Variants in TRPM3 observed in about 807,000 individuals in gnomAD.
The protein encoded by TRPM3 is transient receptor potential cation channel subfamily M member 3.
In TRPM3, 77 loss-of-function variants were observed where a neutral mutation model predicts 181.2. The observed-to-expected ratio is 0.42, with a 90% CI of 0.35 to 0.51. The LOEUF is 0.51. TRPM3 is among the 20% of genes least tolerant of loss of function. The pLI, the probability that TRPM3 is intolerant of heterozygous loss-of-function variation, is 0.01. For missense variants in TRPM3, 1,759 were observed against 2,196.7 expected (o/e 0.80, Z 3.98); for synonymous variants, 745 against 796.4 (o/e 0.94, Z 1.09).
intron 1 of TRPM3, among the ~76,000 whole-genome samples, chr9:71,200,249 A>G (rs1380750228): frequency 6.6e-6 from 1 of 151,722 alleles, no homozygotes; most frequent in Non-Finnish European, 1.5e-5. Flanking sequence ...AGTTTGTTAT[A>G]ATTTCTGTTC....
At chr9:70,995,777 A>G (rs2097536380) in intron 1 of TRPM3, among the ~76,000 whole-genome samples, 1 of 152,202 alleles carries the variant, frequency 6.6e-6, no homozygotes, top group Non-Finnish European at 1.5e-5. Flanking sequence ...AAATAAAGCC[A>G]TGCAAAACCC....
intron 1 of TRPM3, among the ~76,000 whole-genome samples, chr9:71,320,453 T>A (rs556429092): frequency 6.6e-6 from 1 of 152,160 alleles, no homozygotes; most frequent in African/African-American, 2.4e-5. Context: ...AATACCAATG[T>A]TGGTCAGAGA....
chr9:71,337,089 CA>C (rs1235611709), intron 1 of TRPM3, among the ~76,000 whole-genome samples: 2 of 151,996 alleles, frequency 1.3e-5, no homozygotes, highest in Non-Finnish European at 2.9e-5. Context: ...CAACAAAAGG[CA>C]AAATTGAAAA....
intron 25 of TRPM3, 117 bp from the exon 26 acceptor site, chr9:70,537,522 G>T: frequency 1.2e-6 from 1 of 862,346 alleles, no homozygotes; most frequent in Non-Finnish European, 1.6e-6. Context: ...ATGGAAGACA[G>T]GTTACAGGTG....
chr9:71,300,486 AC>A (rs372159182), intron 1 of TRPM3, among the ~76,000 whole-genome samples: 2 of 152,136 alleles, frequency 1.3e-5, no homozygotes, highest in African/African-American at 4.8e-5. Flanking sequence ...AGACTTATAC[AC>A]TTAACCACAA....
chr9:70,928,270 G>A (rs1371584243), intron 1 of TRPM3, among the ~76,000 whole-genome samples: 1 of 152,202 alleles, frequency 6.6e-6, no homozygotes, highest in Non-Finnish European at 1.5e-5. Context: ...GATTGCATTT[G>A]TAGGGATGCA....
At chr9:70,560,230 G>A (rs1386778413) in intron 22 of TRPM3, among the ~76,000 whole-genome samples, 1 of 152,098 alleles carries the variant, frequency 6.6e-6, no homozygotes, top group Non-Finnish European at 1.5e-5. Context: ...GCTAATAAGG[G>A]GATAATGCCA....
rs200431732 is a variant in TRPM3, at chr9:71,418,898, A to ATG, written c.183+27753_183+27754dup. 8.9e-3 allele frequency among the ~76,000 whole-genome samples: 1,042 copies of ATG among 117,448 alleles called. 14 individuals are homozygous for ATG. The highest frequency in any genetic ancestry group is 0.026 in the African/African-American group (982 of 37,332). The allele number at this position is 117,448 out of a possible 152,430, so 77.1% of individuals were successfully genotyped here. A position where few individuals can be genotyped will look rare whatever the true frequency, so the allele number is the denominator to read the frequency against. On this transcript the variant is annotated intron_variant, in intron 1 of 24. Transcript: ENST00000357533. ...TGTGTATATATATACACACATATAT[A>ATG]TGTGTGTGTGTATATATATGTGTGT...
At chr9:71,252,847 C>CTTTTTTTTTTT (rs11417438) in intron 1 of TRPM3, among the ~76,000 whole-genome samples, 1 of 84,760 alleles carries the variant, frequency 1.2e-5, no homozygotes, top group African/African-American at 5.2e-5. Context: ...AATTTTGTCT[C>CTTTTTTTTTTT]TTTTTTTTTT....
intron 1 of TRPM3, among the ~76,000 whole-genome samples, chr9:71,327,011 TC>T (rs1030405936): frequency 5.9e-4 from 90 of 152,274 alleles, no homozygotes; most frequent in African/African-American, 2.1e-3. Context: ...CATGGACTGA[TC>T]AACCATGTGT....
At chr9:70,837,838 C>A (rs2094419553) in intron 5 of TRPM3, among the ~76,000 whole-genome samples, 1 of 152,074 alleles carries the variant, frequency 6.6e-6, no homozygotes, top group East Asian at 1.9e-4. Context: ...ATATCTCAAC[C>A]AACAATAAAG....
intron 1 of TRPM3, among the ~76,000 whole-genome samples, chr9:71,032,633 G>C (rs746897078): frequency 6.6e-5 from 10 of 152,114 alleles, no homozygotes; most frequent in Admixed American, 1.3e-4. Flanking sequence ...ACACATCTAA[G>C]TTTTAAATTG....
intron 3 of TRPM3, among the ~76,000 whole-genome samples, chr9:70,850,972 A>T (rs10780977): frequency 0.37 from 55,752 of 152,050 alleles, 10,617 homozygotes; most frequent in Non-Finnish European, 0.39. Flanking sequence ...CATCTAAAGT[A>T]TAAAAATACT....
At chr9:71,410,680 C>G (rs753957697) in intron 1 of TRPM3, among the ~76,000 whole-genome samples, 1 of 152,124 alleles carries the variant, frequency 6.6e-6, no homozygotes. Flanking sequence ...ACCAGAGGTA[C>G]AAAAAGGAGC....
intron 8 of TRPM3, among the ~76,000 whole-genome samples, chr9:70,695,591 C>T (rs1233021428): frequency 3.9e-5 from 6 of 152,190 alleles, no homozygotes; most frequent in African/African-American, 9.7e-5. Flanking sequence ...TACGCCTTGC[C>T]TGGGTTAGAC....
At chr9:71,105,562 C>T (rs570728415) in intron 1 of TRPM3, among the ~76,000 whole-genome samples, 1 of 152,064 alleles carries the variant, frequency 6.6e-6, no homozygotes, top group Admixed American at 6.6e-5. Context: ...TGGGGTGGTC[C>T]CTAGTTGCCT....
intron 18 of TRPM3, among the ~76,000 whole-genome samples, chr9:70,614,852 A>G (rs1218852196): frequency 6.6e-6 from 1 of 152,228 alleles, no homozygotes; most frequent in African/African-American, 2.4e-5. Flanking sequence ...TCAAACTATT[A>G]TATTCTATTC....
At chr9:71,282,084 A>AAAGAAAGAAC (rs1364837673) in intron 1 of TRPM3, among the ~76,000 whole-genome samples, 4 of 51,552 alleles carry the variant, frequency 7.8e-5, no homozygotes, top group Non-Finnish European at 1.2e-4. Context: ...AAGAAAGGAA[A>AAAGAAAGAAC]GAAAGAGAGA....
At chr9:70,934,809 G>T (rs1348966878) in intron 1 of TRPM3, among the ~76,000 whole-genome samples, 2 of 151,992 alleles carry the variant, frequency 1.3e-5, no homozygotes, top group East Asian at 1.9e-4. Flanking sequence ...TGGGAAATTA[G>T]CCCAAGGCTT....
Sources: allele counts gnomAD v4.1 joint callset (sites outside exome capture counted in the v4.1 genomes callset), GRCh38; gene constraint gnomAD v4.1.1; transcripts MANE v1.5; gene names NCBI Gene and HGNC (gene_info 2026-07-23, HGNC 2026-07-21).